CLDN10: variants seen among roughly 807,000 people sequenced by gnomAD.
CLDN10 encodes claudin-10.
In CLDN10, 15 loss-of-function variants were observed where a neutral mutation model predicts 22.9. The ratio of observed to expected loss-of-function variants is 0.65; its 90% CI spans 0.44 to 1.01. CLDN10 has a LOEUF of 1.01. Ranked by LOEUF, CLDN10 falls within the 50% of genes least tolerant of loss-of-function variation. The pLI is 0.00. For missense variants in CLDN10, 247 were observed against 287.8 expected (o/e 0.86, Z 1.03); for synonymous variants, 114 against 111.4 (o/e 1.02, Z -0.15).
At chr13:95,561,324 T>G (rs2043709820) in intron 3 of CLDN10, among the ~76,000 whole-genome samples, 1 of 152,214 alleles carries the variant, frequency 6.6e-6, no homozygotes, top group Non-Finnish European at 1.5e-5. Flanking sequence ...TCAGCTGGGC[T>G]TTACTTTTTT....
intron 1 of CLDN10, among the ~76,000 whole-genome samples, chr13:95,519,006 A>G (rs1330662698): frequency 6.6e-6 from 1 of 152,156 alleles, no homozygotes; most frequent in African/African-American, 2.4e-5. Flanking sequence ...TGTGACAGGT[A>G]TCGGTAGAGC....
intron 1 of CLDN10, among the ~76,000 whole-genome samples, chr13:95,489,956 C>T (rs974279493): frequency 6.6e-6 from 1 of 152,188 alleles, no homozygotes; most frequent in South Asian, 2.1e-4. Context: ...TATCCCAACA[C>T]CATTTATTGA....
chr13:95,468,219 T>G (rs1472928198), intron 1 of CLDN10, among the ~76,000 whole-genome samples: 1 of 151,234 alleles, frequency 6.6e-6, no homozygotes, highest in African/African-American at 2.4e-5. Context: ...TTCTTCCTGT[T>G]TTTGTTTGTT....
At chr13:95,564,358 C>T (rs895861894) in intron 3 of CLDN10, among the ~76,000 whole-genome samples, 1 of 152,196 alleles carries the variant, frequency 6.6e-6, no homozygotes, top group Non-Finnish European at 1.5e-5. Context: ...CCATTATTAT[C>T]TTACATTAAT....
chr13:95,513,473 C>A (rs2043127219), intron 1 of CLDN10, among the ~76,000 whole-genome samples: 1 of 152,174 alleles, frequency 6.6e-6, no homozygotes, highest in South Asian at 2.1e-4. Context: ...TATTGTATGA[C>A]ACCCCTCTAA....
chr13:95,504,162 T>C (rs565282008), intron 1 of CLDN10, among the ~76,000 whole-genome samples: 1 of 152,206 alleles, frequency 6.6e-6, no homozygotes, highest in East Asian at 1.9e-4. Context: ...ACTGAAGAAG[T>C]ATGACAATTG....
chr13:95,534,549 A>T (rs550444094), intron 1 of CLDN10, among the ~76,000 whole-genome samples: 1 of 152,320 alleles, frequency 6.6e-6, no homozygotes, highest in Non-Finnish European at 1.5e-5. Flanking sequence ...TTCAAAAAAA[A>T]ATCAATTCTC....
intron 1 of CLDN10, among the ~76,000 whole-genome samples, chr13:95,445,269 A>G (rs1026135420): frequency 1.3e-5 from 2 of 152,260 alleles, no homozygotes; most frequent in African/African-American, 4.8e-5. Flanking sequence ...TAAGATGTGC[A>G]CAGAGCGGGG....
At chr13:95,474,399 G>A (rs180801613) in intron 1 of CLDN10, among the ~76,000 whole-genome samples, 67 of 152,324 alleles carry the variant, frequency 4.4e-4, no homozygotes, top group African/African-American at 1.5e-3. Flanking sequence ...TCACCTGCCT[G>A]CCACTCACCT....
At chr13:95,565,166 G>A (rs2043768676) in intron 3 of CLDN10, among the ~76,000 whole-genome samples, 1 of 151,588 alleles carries the variant, frequency 6.6e-6, no homozygotes, top group African/African-American at 2.4e-5. Flanking sequence ...TCTAGTAATG[G>A]GTACTCCTTA....
At chr13:95,462,246 T>C (rs139615617) in intron 1 of CLDN10, among the ~76,000 whole-genome samples, 2,359 of 152,326 alleles carry the variant, frequency 0.015, 70 homozygotes, top group African/African-American at 0.054. Context: ...GAGTTAACGA[T>C]GGTCATTTGT....
At chr13:95,491,508 A>C (rs1190553540) in intron 1 of CLDN10, among the ~76,000 whole-genome samples, 2 of 151,974 alleles carry the variant, frequency 1.3e-5, no homozygotes, top group Non-Finnish European at 2.9e-5. Context: ...AATTTCCTGA[A>C]TTTTTAAATT....
Position 95,579,621 on chromosome 13 carries a change from C to T in CLDN10, c.*1607C>T, listed in dbSNP as rs1202795239. 2.6e-5 allele frequency: 4 copies of T among 151,748 alleles called. No homozygotes were observed. Among genetic ancestry groups the T allele is most frequent in the South Asian group, 2.1e-4 (1 of 4,822 alleles). The allele number at this position is 151,748 out of a possible 1,614,324, so 9.4% of individuals were successfully genotyped here. On this transcript the variant is annotated 3_prime_UTR_variant, in exon 5 of 5. Coordinates refer to ENST00000299339, the MANE Select transcript of CLDN10 (RefSeq NM_006984.5). ...AGAAACTGTCCGATATGAATCACAA[C>T]GTGGGTGAATGTAGTATTTTCCTGA...
intron 1 of CLDN10, among the ~76,000 whole-genome samples, chr13:95,464,649 T>C (rs34220583): frequency 0.3 from 45,667 of 152,066 alleles, 8,421 homozygotes; most frequent in Non-Finnish European, 0.41. Flanking sequence ...GTGATTTTTA[T>C]GGTCTTGGAT....
intron 1 of CLDN10, among the ~76,000 whole-genome samples, chr13:95,520,840 C>T (rs1411661308): frequency 5.9e-5 from 9 of 151,774 alleles, no homozygotes; most frequent in African/African-American, 1.2e-4. Context: ...ATTAGCTGGG[C>T]GTAGTGGCAT....
intron 3 of CLDN10, among the ~76,000 whole-genome samples, chr13:95,565,083 G>A (rs1231814004): frequency 6.6e-6 from 1 of 151,012 alleles, no homozygotes; most frequent in East Asian, 1.9e-4. Flanking sequence ...TTTAGGCTGT[G>A]TCAAACTAAC....
intron 1 of CLDN10, among the ~76,000 whole-genome samples, chr13:95,511,767 CTTTTT>C (rs71113940): frequency 1.5e-4 from 4 of 26,084 alleles, no homozygotes; most frequent in African/African-American, 2.1e-4. Context: ...ATTCTCTCTC[CTTTTT>C]TTTTTTTTTT....
chr13:95,556,569 A>G (rs149139304), intron 1 of CLDN10, among the ~76,000 whole-genome samples: 70 of 152,354 alleles, frequency 4.6e-4, no homozygotes, highest in Non-Finnish European at 5.7e-4. Flanking sequence ...CATCCATATT[A>G]TTCATCCTGT....
rs1463871001 is a variant in CLDN10 at position 95,560,410 on chromosome 13, A to G, written c.411A>G (p.Leu137=). The G allele has an allele frequency of 2.5e-6, 4 of 1,613,898 alleles. No individual in the cohort carries two copies. Among genetic ancestry groups the G allele is most frequent in the African/African-American group, 1.3e-5 (1 of 74,912 alleles). The change falls in exon 3 of 5, where the codon CTA becomes CTG. Residue 137 remains leucine (L), a synonymous_variant. Transcript: ENST00000299339. The stretch of plus-strand genomic sequence containing the variant: ...TGTGCTCAATGACTGGATGTTCCCT[A>G]TATGCAAACAAAATCACAACGGAAT... The part of the protein sequence containing the change: ...SGLCSMTGCS[L]YANKITTEFF...
Sources: gnomAD v4.1 joint callset for allele counts (sites outside exome capture counted in the v4.1 genomes callset) on GRCh38, gnomAD v4.1.1 for gene constraint, MANE v1.5 for transcripts, NCBI Gene and HGNC (gene_info 2026-07-23, HGNC 2026-07-21) for gene names.